TTLL5: variants seen among roughly 807,000 people sequenced by gnomAD.
TTLL5 encodes tubulin tyrosine ligase like 5.
TTLL5 carries 132 observed loss-of-function variants against 168.4 expected under a neutral mutation model. The ratio of observed to expected loss-of-function variants is 0.78; its 90% CI spans 0.68 to 0.91. The LOEUF (loss-of-function observed/expected upper bound fraction) is 0.91, where lower values mean the gene tolerates loss of function less well. Ranked by LOEUF, TTLL5 falls within the 40% of genes least tolerant of loss-of-function variation. The pLI is 0.00. For synonymous variants in TTLL5, 546 were observed against 558.6 expected (o/e 0.98, Z 0.32); for missense variants, 1,545 against 1,581.5 (o/e 0.98, Z 0.39).
intron 28 of TTLL5, among the ~76,000 whole-genome samples, chr14:75,828,750 G>A (rs1354771865): frequency 6.6e-6 from 1 of 152,192 alleles, no homozygotes; most frequent in Non-Finnish European, 1.5e-5. Flanking sequence ...AGCTGCTTGA[G>A]CCCAGTACTG....
At chr14:75,727,635 A>T (rs759680761) in intron 12 of TTLL5, among the ~76,000 whole-genome samples, 2 of 152,194 alleles carry the variant, frequency 1.3e-5, no homozygotes, top group Non-Finnish European at 2.9e-5. Context: ...AACTCACCAA[A>T]ATGTATACTT....
chr14:75,710,683 C>T (rs945359965), intron 9 of TTLL5: 1 of 152,222 alleles, frequency 6.6e-6, no homozygotes, highest in Non-Finnish European at 1.5e-5. Context: ...GTTCTTGTGT[C>T]TTCACTAATT....
At chr14:75,717,710 A>G (rs142536179) in intron 9 of TTLL5, 151 bp from the exon 10 acceptor site, 42 of 640,536 alleles carry the variant, frequency 6.6e-5, no homozygotes, top group African/African-American at 5.6e-4. Flanking sequence ...ATTATAAAAC[A>G]CTTAGAATGG....
intron 28 of TTLL5, among the ~76,000 whole-genome samples, chr14:75,854,469 T>A (rs1897032949): frequency 6.6e-6 from 1 of 152,236 alleles, no homozygotes; most frequent in Non-Finnish European, 1.5e-5. Context: ...GAATACAAAT[T>A]CAGTGAAAAT....
At chr14:75,918,056 C>A (rs1323307514) in intron 31 of TTLL5, among the ~76,000 whole-genome samples, 1 of 152,184 alleles carries the variant, frequency 6.6e-6, no homozygotes, top group Non-Finnish European at 1.5e-5. Context: ...TTTTGCTGGT[C>A]ATAAGATGGT....
At chr14:75,759,611 C>G (rs1016620912) in intron 18 of TTLL5, among the ~76,000 whole-genome samples, 2 of 152,074 alleles carry the variant, frequency 1.3e-5, no homozygotes, top group African/African-American at 4.8e-5. Flanking sequence ...TAATATCCTT[C>G]ATGAACATAG....
At chr14:75,708,273 G>A (rs867681147) in intron 9 of TTLL5, among the ~76,000 whole-genome samples, 16 of 151,484 alleles carry the variant, frequency 1.1e-4, no homozygotes, top group Middle Eastern at 3.4e-3. Flanking sequence ...TATTTGGAAG[G>A]TATTAATTGA....
chr14:75,732,980 T>G (rs1888639317), intron 13 of TTLL5, among the ~76,000 whole-genome samples: 1 of 152,218 alleles, frequency 6.6e-6, no homozygotes, highest in Non-Finnish European at 1.5e-5. Context: ...TTATTATATT[T>G]GCAGCTACAG....
At chr14:75,803,448 T>C (rs1013547338) in intron 27 of TTLL5, among the ~76,000 whole-genome samples, 1 of 152,158 alleles carries the variant, frequency 6.6e-6, no homozygotes, top group African/African-American at 2.4e-5. Context: ...TATCAAACTT[T>C]CCCTGCCATG....
chr14:75,801,573 A>G (rs990905041), intron 27 of TTLL5, among the ~76,000 whole-genome samples: 2 of 152,206 alleles, frequency 1.3e-5, no homozygotes, highest in East Asian at 1.9e-4. Context: ...CATGCTAACT[A>G]TATTTTTGTA....
intron 30 of TTLL5, among the ~76,000 whole-genome samples, chr14:75,883,894 C>T (rs1481493429): frequency 6.6e-6 from 1 of 152,154 alleles, no homozygotes; most frequent in African/African-American, 2.4e-5. Context: ...GAAATGTGTG[C>T]CTTCTCACCC....
intron 15 of TTLL5, among the ~76,000 whole-genome samples, chr14:75,738,020 G>A (rs1889017650): frequency 6.6e-6 from 1 of 152,130 alleles, no homozygotes; most frequent in Non-Finnish European, 1.5e-5. Context: ...CACATTGGGT[G>A]TAGGGTTGTA....
At chr14:75,911,051 TCTCGCTCTGTCAC>T (rs1434421395) in intron 31 of TTLL5, among the ~76,000 whole-genome samples, 1 of 152,068 alleles carries the variant, frequency 6.6e-6, no homozygotes, top group Non-Finnish European at 1.5e-5. Context: ...TGAGTCAGAG[TCTCGCTCTGTCAC>T]CCAGCCAGAC....
chr14:75,692,009 T>C (rs1885499424), intron 6 of TTLL5, among the ~76,000 whole-genome samples: 1 of 152,226 alleles, frequency 6.6e-6, no homozygotes, highest in Non-Finnish European at 1.5e-5. Context: ...GTGGGTCACA[T>C]AGAGCACTAA....
At chr14:75,781,722 A>G (rs1368588184) in intron 24 of TTLL5, among the ~76,000 whole-genome samples, 4 of 152,162 alleles carry the variant, frequency 2.6e-5, no homozygotes, top group African/African-American at 9.7e-5. Context: ...TGGGAAGCTG[A>G]GGCAGGTGGA....
chr14:75,678,695 TA>T (rs34506787), intron 3 of TTLL5, among the ~76,000 whole-genome samples: 80,319 of 151,978 alleles, frequency 0.53, 23,958 homozygotes, highest in Non-Finnish European at 0.66. Flanking sequence ...TTCAGATTTT[TA>T]AAAATCTGCA....
At chr14:75,700,926 G>A (rs1886224223) in intron 7 of TTLL5, among the ~76,000 whole-genome samples, 1 of 150,074 alleles carries the variant, frequency 6.7e-6, no homozygotes, top group South Asian at 2.1e-4. Context: ...ATATTTGGCA[G>A]GCATTTTCAG....
Position 75,921,882 on chromosome 14 carries a change from T to C in TTLL5, c.3823+19658T>C, listed in dbSNP as rs551298890. Among the ~76,000 whole-genome samples the C allele has an allele frequency of 5.3e-5, 8 of 152,370 alleles. No individual in the cohort carries two copies. In the South Asian group the frequency reaches 1.7e-3, roughly 32 times the overall value. On this transcript the variant is annotated intron_variant, in intron 31 of 31. Coordinates refer to ENST00000298832, the MANE Select transcript of TTLL5 (RefSeq NM_015072.5). ...GAGCATGGAATGTTCTTCATTTGTT[T>C]GAGTCCTCTTTTATTTTGTTGAGCA...
intron 30 of TTLL5, among the ~76,000 whole-genome samples, chr14:75,900,920 CT>C (rs2032896538): frequency 6.6e-6 from 1 of 152,308 alleles, no homozygotes; most frequent in South Asian, 2.1e-4. Flanking sequence ...TTTAACGTAT[CT>C]CCTCACTAGT....
Sources: allele counts gnomAD v4.1 joint callset (sites outside exome capture counted in the v4.1 genomes callset), GRCh38; gene constraint gnomAD v4.1.1; transcripts MANE v1.5; gene names NCBI Gene and HGNC (gene_info 2026-07-23, HGNC 2026-07-21).